The following TRAPPC6B variants were observed in gnomAD, a reference collection of about 807,000 sequenced individuals.
TRAPPC6B encodes the protein TRAPP complex subunit 6B.
TRAPPC6B carries 27 observed loss-of-function variants against 24.7 expected under a neutral mutation model. The ratio of observed to expected loss-of-function variants is 1.09; its 90% confidence interval spans 0.81 to 1.51. TRAPPC6B has a LOEUF of 1.51. Among genes scored for constraint, TRAPPC6B ranks in the 40% most tolerant of loss-of-function variants. The probability of loss-of-function intolerance (pLI) is 0.00; values close to 1 mark genes in which losing one functional copy is unlikely to be tolerated. For missense variants in TRAPPC6B, 212 were observed against 190.8 expected (o/e 1.11, Z -0.66); for synonymous variants, 80 against 66.6 (o/e 1.20, Z -0.98).
At chr14:39,155,801 T>C (rs2052971401) in intron 3 of TRAPPC6B, among the ~76,000 whole-genome samples, 1 of 152,132 alleles carries the variant, frequency 6.6e-6, no homozygotes, top group African/African-American at 2.4e-5. Context: ...CCTCCCAAAG[T>C]GCTGGGATTA....
intron 1 of TRAPPC6B, among the ~76,000 whole-genome samples, chr14:39,168,511 A>G (rs2053131626): frequency 6.7e-6 from 1 of 149,254 alleles, no homozygotes; most frequent in East Asian, 2.0e-4. Context: ...TATCCTGCCT[A>G]TCCTTCTTGT....
At chr14:39,169,820 G>A (rs182420843) in intron 1 of TRAPPC6B, among the ~76,000 whole-genome samples, 195 bp downstream of exon 1, 3 of 152,184 alleles carry the variant, frequency 2.0e-5, no homozygotes, top group Non-Finnish European at 4.4e-5. Flanking sequence ...AGATACGAAA[G>A]AGAAAACGAT....
At chr14:39,160,397 G>A (rs551473933) in intron 1 of TRAPPC6B, among the ~76,000 whole-genome samples, 24 of 152,060 alleles carry the variant, frequency 1.6e-4, no homozygotes, top group African/African-American at 5.3e-4. Context: ...GGGCAACATA[G>A]CAAGACCACA....
At chr14:39,163,536 C>T (rs1305400714) in intron 1 of TRAPPC6B, among the ~76,000 whole-genome samples, 1 of 150,806 alleles carries the variant, frequency 6.6e-6, no homozygotes, top group Non-Finnish European at 1.5e-5. Flanking sequence ...GTCCCACTTC[C>T]TTGCTTAATC....
At chr14:39,156,308 G>C (rs1476192095) in intron 3 of TRAPPC6B, among the ~76,000 whole-genome samples, 1 of 152,188 alleles carries the variant, frequency 6.6e-6, no homozygotes, top group Non-Finnish European at 1.5e-5. Context: ...AACATAGTGA[G>C]ACACTGTCTC....
At chr14:39,167,143 T>C (rs2053117351) in intron 1 of TRAPPC6B, among the ~76,000 whole-genome samples, 1 of 152,234 alleles carries the variant, frequency 6.6e-6, no homozygotes, top group African/African-American at 2.4e-5. Flanking sequence ...CATGCACTTT[T>C]GAGTAGGCAC....
At chr14:39,157,278 G>A (rs2038360) in intron 3 of TRAPPC6B, 112,759 of 370,670 alleles carry the variant, frequency 0.3, 19,217 homozygotes, top group Non-Finnish European at 0.37. Flanking sequence ...TCTGTAAGCA[G>A]CTGAAAGTGC....
Position 39,150,180 on chromosome 14 carries a change from G to T in TRAPPC6B, c.*170C>A. The stretch of plus-strand genomic sequence containing the variant: ...TTTGAATAGTTTTGGTTAAGTGTAT[G>T]TCATGGCAGAATGTCCCTTCATCTC... On this transcript the variant is annotated 3_prime_UTR_variant, in exon 6 of 6. Transcript: ENST00000330149. The T allele has an allele frequency of 1.7e-6, 1 of 590,076 alleles. No individual in the cohort carries two copies. Among genetic ancestry groups the T allele is most frequent in the Non-Finnish European group, 2.8e-6 (1 of 351,318 alleles). 36.6% of individuals were successfully genotyped at this position (590,076 alleles called of 1,614,324 possible).
Position 39,170,322 on chromosome 14 carries a change from G to C in TRAPPC6B, c.-227C>G, listed in dbSNP as rs1407033502. ...TTCGGGGCTACCAAATCCTAGGGCC[G>C]AACTAAAGTCTGACGGGAGCTCTAA... On this transcript the variant is annotated 5_prime_UTR_variant, in exon 1 of 6. Coordinates refer to ENST00000330149, the MANE Select transcript of TRAPPC6B (RefSeq NM_001079537.2). 1 of 556,832 alleles carries C rather than the reference G, an allele frequency of 1.8e-6. No individual in the cohort carries two copies. The highest frequency in any genetic ancestry group is 2.3e-5 in the South Asian group (1 of 43,380). 34.5% of individuals were successfully genotyped at this position (556,832 alleles called of 1,614,324 possible).
At chr14:39,165,430 T>G (rs1048204401) in intron 1 of TRAPPC6B, among the ~76,000 whole-genome samples, 2 of 152,154 alleles carry the variant, frequency 1.3e-5, no homozygotes, top group African/African-American at 4.8e-5. Context: ...GTCGTAAAAT[T>G]CTGTACATAC....
At chr14:39,163,989 C>A (rs1043896320) in intron 1 of TRAPPC6B, among the ~76,000 whole-genome samples, 9 of 150,830 alleles carry the variant, frequency 6.0e-5, no homozygotes, top group Non-Finnish European at 1.2e-4. Flanking sequence ...CCCAACCCCC[C>A]ATACACTGTA....
rs1327859932 is a variant in TRAPPC6B, at chr14:39,162,757, CTCAT to C, written c.82-3211_82-3208del. ...ATTGCTTTGCTCTTTCTTTGACAAT[CTCAT>C]TCAATCTTAAGGCTTGAAATAGTAC... On this transcript the variant is annotated intron_variant, in intron 1 of 5. Transcript: ENST00000330149. Among the ~76,000 whole-genome samples the C allele has an allele frequency of 2.0e-5, 3 of 152,290 alleles. No homozygotes were observed. The East Asian group carries it at 5.8e-4, about 29-fold the overall frequency.
intron 3 of TRAPPC6B, among the ~76,000 whole-genome samples, chr14:39,155,028 T>G (rs912245985): frequency 2.0e-5 from 3 of 152,012 alleles, no homozygotes; most frequent in African/African-American, 7.2e-5. Flanking sequence ...CCTGGGTGTT[T>G]AGCAATTCTC....
At chr14:39,164,486 C>G (rs1035725276) in intron 1 of TRAPPC6B, among the ~76,000 whole-genome samples, 4 of 142,360 alleles carry the variant, frequency 2.8e-5, no homozygotes, top group Admixed American at 2.7e-4. Flanking sequence ...CAGTGAAACT[C>G]TGTCTAAAAA....
intron 1 of TRAPPC6B, among the ~76,000 whole-genome samples, chr14:39,160,334 T>G (rs1487754264): frequency 6.6e-6 from 1 of 151,950 alleles, no homozygotes; most frequent in East Asian, 1.9e-4. Context: ...TCCCAGCACT[T>G]TAGGAGGCCA....
chr14:39,153,808 G>T (rs2052943899), intron 4 of TRAPPC6B, among the ~76,000 whole-genome samples: 1 of 151,156 alleles, frequency 6.6e-6, no homozygotes, highest in African/African-American at 2.4e-5. Context: ...GGGTTCAAGT[G>T]ATTCTCCTGC....
intron 3 of TRAPPC6B, among the ~76,000 whole-genome samples, chr14:39,155,852 A>T (rs1227177544): frequency 1.3e-5 from 2 of 151,884 alleles, no homozygotes; most frequent in Non-Finnish European, 1.5e-5. Context: ...TTTTTAAGAG[A>T]CAGAATTTTG....
In TRAPPC6B at chr14:39,148,994, A is replaced by G. The variant is rs2052886607; in HGVS notation, c.*1356T>C. ...GCATATCTAAACATAAAGAAGGTAC[A>G]GTAAAAATACAGTATTGTAATCTTA... On this transcript the variant is annotated 3_prime_UTR_variant, in exon 6 of 6. Transcript: ENST00000330149. The G allele has an allele frequency of 2.7e-6, 1 of 370,840 alleles. No homozygotes were observed. The highest frequency in any genetic ancestry group is 3.9e-5 in the East Asian group (1 of 25,838). 23.0% of individuals were successfully genotyped at this position (370,840 alleles called of 1,614,324 possible).
chr14:39,163,327 T>C (rs906964468), intron 1 of TRAPPC6B, among the ~76,000 whole-genome samples: 2 of 144,290 alleles, frequency 1.4e-5, no homozygotes, highest in South Asian at 4.3e-4. Context: ...GCCGAGATCA[T>C]GCCACTGCAC....
Sources: gnomAD v4.1 joint callset for allele counts (sites outside exome capture counted in the v4.1 genomes callset) on GRCh38, gnomAD v4.1.1 for gene constraint, MANE v1.5 for transcripts, NCBI Gene and HGNC (gene_info 2026-07-23, HGNC 2026-07-21) for gene names.